PDCD1LG2: variants seen among roughly 807,000 people sequenced by gnomAD.
The protein encoded by PDCD1LG2 is programmed cell death 1 ligand 2.
A neutral mutation model predicts 28.2 loss-of-function variants in PDCD1LG2; 32 were observed. The ratio of observed to expected loss-of-function variants is 1.13; its 90% CI spans 0.86 to 1.52. PDCD1LG2 has a LOEUF of 1.52. Ranked by LOEUF, PDCD1LG2 falls within the 40% of genes most tolerant of loss-of-function variation. PDCD1LG2 has a pLI of 0.00. For synonymous variants in PDCD1LG2, 116 were observed against 120.2 expected, an observed-to-expected ratio of 0.97 and a Z score of 0.23; for missense variants, 385 against 323.8, an observed-to-expected ratio of 1.19 and a Z score of -1.45.
chr9:5,521,521 A>AT, intron 1 of PDCD1LG2, among the ~76,000 whole-genome samples: 1 of 152,182 alleles, frequency 6.6e-6, no homozygotes, highest in East Asian at 1.9e-4. Context: ...TAGCCCCTCT[A>AT]CTCTAAGCTA....
At chr9:5,523,454 T>G (rs1820315388) in intron 2 of PDCD1LG2, among the ~76,000 whole-genome samples, 1 of 152,160 alleles carries the variant, frequency 6.6e-6, no homozygotes, top group Admixed American at 6.5e-5. Context: ...AAGAGCTTTC[T>G]CCTCCCTACT....
intron 2 of PDCD1LG2, among the ~76,000 whole-genome samples, chr9:5,531,072 G>A (rs1325589860): frequency 6.6e-6 from 1 of 152,228 alleles, no homozygotes; most frequent in East Asian, 1.9e-4. Context: ...AATCTTTAAT[G>A]ATGCTGACCT....
intron 3 of PDCD1LG2, among the ~76,000 whole-genome samples, chr9:5,537,300 T>TA (rs1450663677): frequency 6.6e-6 from 1 of 152,186 alleles, no homozygotes; most frequent in African/African-American, 2.4e-5. Flanking sequence ...TTCTATTATA[T>TA]AAAATCATTC....
chr9:5,556,313 G>C (rs747009717), intron 4 of PDCD1LG2, among the ~76,000 whole-genome samples: 1 of 152,200 alleles, frequency 6.6e-6, no homozygotes, highest in South Asian at 2.1e-4. Flanking sequence ...GCACTTACTA[G>C]AAATTAAGAA....
At chr9:5,539,550 G>C (rs920684749) in intron 3 of PDCD1LG2, among the ~76,000 whole-genome samples, 6 of 152,252 alleles carry the variant, frequency 3.9e-5, no homozygotes, top group African/African-American at 1.4e-4. Context: ...GATTCTGGAA[G>C]AGACAGTGAT....
chr9:5,566,818 C>G (rs1406807461), intron 6 of PDCD1LG2, among the ~76,000 whole-genome samples: 1 of 151,992 alleles, frequency 6.6e-6, no homozygotes, highest in Non-Finnish European at 1.5e-5. Context: ...GAAATACTTT[C>G]TATATAATAA....
chr9:5,545,760 C>A (rs1816191111), intron 3 of PDCD1LG2, among the ~76,000 whole-genome samples: 1 of 152,118 alleles, frequency 6.6e-6, no homozygotes, highest in African/African-American at 2.4e-5. Context: ...CACAATTAGC[C>A]ATCTTGACCT....
chr9:5,567,573 C>T (rs1245935946), intron 6 of PDCD1LG2, among the ~76,000 whole-genome samples: 1 of 152,152 alleles, frequency 6.6e-6, no homozygotes, highest in Non-Finnish European at 1.5e-5. Flanking sequence ...GTTTACAGAC[C>T]ATGTATCCTA....
In PDCD1LG2 at chr9:5,534,849, G is replaced by A. The variant is rs754459862; in HGVS notation, c.160G>A (p.Ala54Thr). ...FDTGSHVNLG[A>T]ITASLQKVEN... Reference sequence around the variant, plus strand: ...CACTGGAAGTCATGTGAACCTTGGAGCAATAACAGCCAGTTTGCAAAAGGT... The same window carrying A: ...CACTGGAAGTCATGTGAACCTTGGAACAATAACAGCCAGTTTGCAAAAGGT... Residue 54 changes from alanine (A) to threonine (T), a missense_variant, in exon 3 of 7, where the codon GCA (alanine) becomes ACA (threonine). Ala to Thr is a moderately conservative substitution (Grantham distance 58). Coordinates refer to ENST00000397747, the MANE Select transcript of PDCD1LG2 (RefSeq NM_025239.4). 1 of 1,614,156 alleles carries A rather than the reference G, an allele frequency of 6.2e-7. No individual in the cohort carries two copies. The highest frequency in any genetic ancestry group is 1.7e-5 in the Admixed American group (1 of 60,016).
chr9:5,518,001 C>T (rs891669978), intron 1 of PDCD1LG2, among the ~76,000 whole-genome samples: 3 of 152,094 alleles, frequency 2.0e-5, no homozygotes, highest in Non-Finnish European at 2.9e-5. Context: ...GGAGAGCCAC[C>T]ATGCAAAAAG....
At chr9:5,543,193 C>T (rs1820720075) in intron 3 of PDCD1LG2, among the ~76,000 whole-genome samples, 2 of 152,016 alleles carry the variant, frequency 1.3e-5, no homozygotes, top group African/African-American at 2.4e-5. Context: ...AAGAATGATA[C>T]AATGGACTTT....
At chr9:5,530,815 G>T (rs556871143) in intron 2 of PDCD1LG2, among the ~76,000 whole-genome samples, 1 of 152,224 alleles carries the variant, frequency 6.6e-6, no homozygotes, top group Non-Finnish European at 1.5e-5. Flanking sequence ...ATGCAGACCA[G>T]TGTTATAACT....
intron 6 of PDCD1LG2, among the ~76,000 whole-genome samples, chr9:5,564,048 T>C (rs150310998): frequency 2.0e-5 from 3 of 152,310 alleles, no homozygotes; most frequent in East Asian, 3.9e-4. Context: ...AAATTAATCA[T>C]CACAGGCACC....
intron 3 of PDCD1LG2, among the ~76,000 whole-genome samples, chr9:5,547,062 A>G (rs1816224804): frequency 6.6e-6 from 1 of 152,220 alleles, no homozygotes; most frequent in African/African-American, 2.4e-5. Flanking sequence ...AAAAATTGTG[A>G]AGAACGGCAT....
intron 2 of PDCD1LG2, among the ~76,000 whole-genome samples, chr9:5,533,190 G>A (rs1047099509): frequency 6.6e-6 from 1 of 152,180 alleles, no homozygotes; most frequent in Admixed American, 6.5e-5. Context: ...CTAATCTTCT[G>A]TGATTATTCA....
chr9:5,537,543 G>A (rs1586804819), intron 3 of PDCD1LG2, among the ~76,000 whole-genome samples: 2 of 152,302 alleles, frequency 1.3e-5, no homozygotes, highest in South Asian at 2.1e-4. Flanking sequence ...AGAATACTAT[G>A]CAGCCATAAA....
intron 3 of PDCD1LG2, among the ~76,000 whole-genome samples, chr9:5,538,653 A>C (rs1388055510): frequency 2.0e-5 from 3 of 151,696 alleles, no homozygotes; most frequent in Admixed American, 1.3e-4. Flanking sequence ...GCTCCACTGC[A>C]CTCCAGCCTG....
At chr9:5,520,220 G>T (rs1225513124) in intron 1 of PDCD1LG2, among the ~76,000 whole-genome samples, 1 of 152,216 alleles carries the variant, frequency 6.6e-6, no homozygotes, top group Non-Finnish European at 1.5e-5. Context: ...TCAACGCTGT[G>T]TGGTACTGAC....
At chr9:5,522,488 AG>A in intron 1 of PDCD1LG2, 44 bp from the exon 2 acceptor site, 2 of 1,483,568 alleles carry the variant, frequency 1.3e-6, no homozygotes. Flanking sequence ...CCAAAGACCC[AG>A]CAAAGTTTCA....
Sources: allele counts gnomAD v4.1 joint callset (sites outside exome capture counted in the v4.1 genomes callset), GRCh38; gene constraint gnomAD v4.1.1; transcripts MANE v1.5; gene names NCBI Gene and HGNC (gene_info 2026-07-23, HGNC 2026-07-21).